SGCD: variants seen among roughly 807,000 people sequenced by gnomAD.
SGCD encodes delta-sarcoglycan.
A neutral mutation model predicts 36.6 loss-of-function variants in SGCD; 18 were observed. The ratio of observed to expected loss-of-function variants is 0.49; its 90% CI spans 0.34 to 0.73. The LOEUF (loss-of-function observed/expected upper bound fraction) is 0.73. SGCD is among the 30% of genes least tolerant of loss of function. The pLI is 0.01. For missense variants in SGCD, 387 were observed against 346.7 expected (o/e 1.12, Z -0.92); for synonymous variants, 133 against 130.6 (o/e 1.02, Z -0.12).
At chr5:156,609,412 C>T (rs1473018654) in intron 6 of SGCD, among the ~76,000 whole-genome samples, 6 of 152,186 alleles carry the variant, frequency 3.9e-5, no homozygotes, top group Non-Finnish European at 7.3e-5. Flanking sequence ...GCCGAGAGAT[C>T]GGCTGTTAGT....
intron 3 of SGCD, among the ~76,000 whole-genome samples, chr5:156,225,701 T>C (rs575713291): frequency 1.5e-3 from 234 of 152,198 alleles, no homozygotes; most frequent in African/African-American, 5.2e-3. Context: ...CCTTAAAATA[T>C]CTATGAAATT....
chr5:155,940,243 C>G (rs13180871), intron 1 of SGCD, among the ~76,000 whole-genome samples: 76,133 of 152,046 alleles, frequency 0.5, 19,843 homozygotes, highest in Non-Finnish European at 0.6. Context: ...TGTACAGATC[C>G]AGGTTTTTCT....
At chr5:156,452,854 T>C (rs1754081082) in intron 3 of SGCD, among the ~76,000 whole-genome samples, 1 of 152,118 alleles carries the variant, frequency 6.6e-6, no homozygotes, top group African/African-American at 2.4e-5. Context: ...ATCTCCCAAA[T>C]AGTTGCACAA....
In SGCD at chr5:156,403,141, G is replaced by T. The variant is rs146067418; in HGVS notation, c.192+58464G>T. Reference sequence around the variant, plus strand: ...ATCCACATCTCCTCCAACCCACCCTGCCGCCTTTTCCTGTCTGTCCTTCCA... The same window carrying T: ...ATCCACATCTCCTCCAACCCACCCTTCCGCCTTTTCCTGTCTGTCCTTCCA... On this transcript the variant is annotated intron_variant, in intron 3 of 8. Coordinates refer to ENST00000337851, the MANE Select transcript of SGCD (RefSeq NM_000337.6). 3.9e-4 allele frequency among the ~76,000 whole-genome samples: 60 copies of T among 152,184 alleles called. 1 individual carries two copies. In the East Asian group the frequency reaches 0.01, roughly 26 times the overall value.
intron 3 of SGCD, among the ~76,000 whole-genome samples, chr5:156,321,090 C>T (rs752446008): frequency 1.3e-5 from 2 of 151,912 alleles, no homozygotes; most frequent in Admixed American, 1.3e-4. Context: ...AATATTGCCT[C>T]ATAATATTTC....
chr5:155,942,800 T>C (rs1479972537), intron 1 of SGCD, among the ~76,000 whole-genome samples: 1 of 152,182 alleles, frequency 6.6e-6, no homozygotes, highest in Non-Finnish European at 1.5e-5. Flanking sequence ...GTGAAGATAC[T>C]TAAGGCAATA....
the SGCD span, among the ~76,000 whole-genome samples, chr5:155,734,941 C>G: frequency 6.6e-6 from 1 of 152,152 alleles, no homozygotes; most frequent in Non-Finnish European, 1.5e-5. Context: ...GTATACTTGT[C>G]TGTTTACTTC....
chr5:156,674,278 A>G (rs757580605), intron 7 of SGCD, among the ~76,000 whole-genome samples: 8 of 152,220 alleles, frequency 5.3e-5, no homozygotes, highest in Non-Finnish European at 7.3e-5. Context: ...AGGATGATGT[A>G]TGAAGGATTC....
intron 3 of SGCD, among the ~76,000 whole-genome samples, chr5:156,422,231 A>G (rs1332115472): frequency 6.6e-6 from 1 of 152,082 alleles, no homozygotes; most frequent in African/African-American, 2.4e-5. Flanking sequence ...GGCAAAACCA[A>G]AATGTCCAAA....
rs1234474023 is a variant in SGCD, at chr5:156,763,765, A to G, written c.*4375A>G. 6.6e-6 allele frequency: 1 copy of G among 152,054 alleles called. No homozygotes were observed. The highest frequency in any genetic ancestry group is 1.5e-5 in the Non-Finnish European group (1 of 68,004). 9.4% of individuals were successfully genotyped at this position (152,054 alleles called of 1,614,324 possible). ...TAGGGATGACTCTGGAAGTATGAGT[A>G]TCATGGTGGGGAGGAAGGAATTTTT... is the stretch of plus-strand genomic sequence containing the variant. On this transcript the variant is annotated 3_prime_UTR_variant, in exon 9 of 9. Coordinates refer to ENST00000337851, the MANE Select transcript of SGCD (RefSeq NM_000337.6).
At chr5:156,555,647 A>G (rs2113218489) in intron 4 of SGCD, among the ~76,000 whole-genome samples, 1 of 151,550 alleles carries the variant, frequency 6.6e-6, no homozygotes, top group South Asian at 2.1e-4. Context: ...TGAAGCCAGG[A>G]AGTGTAAGGC....
At chr5:156,412,424 G>A (rs1323229258) in intron 3 of SGCD, among the ~76,000 whole-genome samples, 2 of 152,320 alleles carry the variant, frequency 1.3e-5, no homozygotes, top group Non-Finnish European at 2.9e-5. Flanking sequence ...AATAGAAATA[G>A]CAATGGAGGG....
intron 3 of SGCD, among the ~76,000 whole-genome samples, chr5:156,346,281 A>C (rs1441387635): frequency 6.6e-6 from 1 of 152,040 alleles, no homozygotes; most frequent in Admixed American, 6.6e-5. Flanking sequence ...TTTCTAAAAA[A>C]ATTTTTCTTT....
intron 3 of SGCD, among the ~76,000 whole-genome samples, chr5:156,399,016 G>A (rs766068409): frequency 5.9e-5 from 9 of 152,138 alleles, no homozygotes; most frequent in Non-Finnish European, 1.3e-4. Context: ...CATTATTTCA[G>A]AAAGTTCTAT....
intron 5 of SGCD, 92 bp from the exon 6 acceptor site, chr5:156,594,840 C>G: frequency 1.2e-6 from 1 of 836,152 alleles, no homozygotes. Flanking sequence ...CTATGAAAAG[C>G]TTTTTGTAGT....
chr5:156,390,494 A>G (rs766658712), intron 3 of SGCD, among the ~76,000 whole-genome samples: 1 of 152,294 alleles, frequency 6.6e-6, no homozygotes, highest in African/African-American at 2.4e-5. Flanking sequence ...TTGGGAGGCC[A>G]TGGCGGCGGG....
chr5:155,994,140 C>T (rs1758491222), intron 1 of SGCD, among the ~76,000 whole-genome samples: 1 of 152,162 alleles, frequency 6.6e-6, no homozygotes. Flanking sequence ...AGGCATGCCA[C>T]AGACATGCTA....
rs75223020 is a variant in SGCD at position 156,179,022 on chromosome 5, A to G, written c.-44+55003A>G. ...AAGGTAGGTTTTAGGCTAATAAATG[A>G]CAATCTCAGAATCAAAATAGGAAAA... On this transcript the variant is annotated intron_variant, in intron 3 of 9. Transcript: ENST00000517913. Among the ~76,000 whole-genome samples the G allele has an allele frequency of 2.1e-3, 324 of 152,342 alleles. 3 individuals are homozygous for G. Among genetic ancestry groups the G allele is most frequent in the Middle Eastern group, 0.017 (5 of 294 alleles).
chr5:155,743,907 G>T, the SGCD span, among the ~76,000 whole-genome samples: 3 of 152,168 alleles, frequency 2.0e-5, no homozygotes, highest in African/African-American at 4.8e-5. Context: ...CAAGATTCCT[G>T]CAAGAACTCA....
Sources: allele counts gnomAD v4.1 joint callset (sites outside exome capture counted in the v4.1 genomes callset), GRCh38; gene constraint gnomAD v4.1.1; transcripts MANE v1.5; gene names NCBI Gene and HGNC (gene_info 2026-07-23, HGNC 2026-07-21).